The following PIK3C2G variants were observed in gnomAD, a reference collection of about 807,000 sequenced individuals.
PIK3C2G encodes the protein phosphatidylinositol 3-kinase C2 domain-containing subunit gamma.
A neutral mutation model predicts 181.1 loss-of-function variants in PIK3C2G; 168 were observed. The observed-to-expected ratio is 0.93, with a 90% CI of 0.82 to 1.05. The LOEUF is 1.05. PIK3C2G is among the 50% of genes least tolerant of loss of function. The pLI, the probability that PIK3C2G is intolerant of heterozygous loss-of-function variation, is 0.00. For synonymous variants in PIK3C2G, 573 were observed against 592.2 expected (o/e 0.97, Z 0.47); for missense variants, 1,869 against 1,732.8 (o/e 1.08, Z -1.40).
At chr12:18,394,031 G>C (rs1943708868) in intron 15 of PIK3C2G, among the ~76,000 whole-genome samples, 1 of 152,036 alleles carries the variant, frequency 6.6e-6, no homozygotes, top group Non-Finnish European at 1.5e-5. Flanking sequence ...ACTTTCCAGG[G>C]CCTACAAGAG....
chr12:18,273,399 G>A (rs909487300), intron 1 of PIK3C2G, among the ~76,000 whole-genome samples: 32 of 152,096 alleles, frequency 2.1e-4, no homozygotes, highest in Non-Finnish European at 4.0e-4. Context: ...TTTGAAGTCA[G>A]GTAGCGTGAT....
chr12:18,272,430 T>C (rs1429717354), intron 1 of PIK3C2G, among the ~76,000 whole-genome samples: 3 of 152,160 alleles, frequency 2.0e-5, no homozygotes, highest in Non-Finnish European at 4.4e-5. Context: ...CTTGTGATAT[T>C]AGCAGTCACC....
chr12:18,256,929 T>G (rs536865450), upstream of PIK3C2G, among the ~76,000 whole-genome samples: 2 of 152,078 alleles, frequency 1.3e-5, no homozygotes, highest in Non-Finnish European at 2.9e-5. Flanking sequence ...AGATAAAAAT[T>G]TATGTCTCAC....
At chr12:18,373,636 TC>T (rs958489690) in intron 13 of PIK3C2G, among the ~76,000 whole-genome samples, 2 of 152,024 alleles carry the variant, frequency 1.3e-5, no homozygotes, top group Non-Finnish European at 2.9e-5. Flanking sequence ...GATCACAAGG[TC>T]AGGAGATCGA....
chr12:18,490,865 C>T (rs764385419), intron 19 of PIK3C2G, among the ~76,000 whole-genome samples: 1 of 152,128 alleles, frequency 6.6e-6, no homozygotes, highest in Non-Finnish European at 1.5e-5. Context: ...ATCTGAGCTG[C>T]CATGAGTATA....
chr12:18,578,791 C>T (rs769825015), intron 29 of PIK3C2G, among the ~76,000 whole-genome samples: 6 of 151,874 alleles, frequency 4.0e-5, no homozygotes, highest in Admixed American at 6.6e-5. Context: ...GTGATATGAA[C>T]GTCTTAGATG....
At chr12:18,424,124 T>C in intron 18 of PIK3C2G, 85 bp downstream of exon 18, 1 of 794,682 alleles carries the variant, frequency 1.3e-6, no homozygotes, top group Admixed American at 2.1e-5. Context: ...GAATATTTCT[T>C]TACCTTATAA....
chr12:18,397,969 C>T lies in PIK3C2G; in HGVS notation c.2127-1690C>T, dbSNP rs181005301. On this transcript the variant is annotated intron_variant, in intron 15 of 32. Coordinates refer to ENST00000538779, the MANE Select transcript of PIK3C2G (RefSeq NM_001288772.2). ...AGGAATTAACTATTGACAAACTCAA[C>T]CAATATGGATAATTTCAAAAACATT... Among the ~76,000 whole-genome samples, 4 of 152,002 alleles carry T rather than the reference C, an allele frequency of 2.6e-5. No homozygotes were observed. In the East Asian group the frequency reaches 5.8e-4, roughly 22 times the overall value.
At chr12:18,302,005 G>T (rs1272255067) in intron 5 of PIK3C2G, among the ~76,000 whole-genome samples, 1 of 152,138 alleles carries the variant, frequency 6.6e-6, no homozygotes, top group Non-Finnish European at 1.5e-5. Flanking sequence ...TTTCCTCAGT[G>T]GCTTAAGCTA....
intron 1 of PIK3C2G, among the ~76,000 whole-genome samples, chr12:18,267,608 T>C (rs1948559458): frequency 6.6e-6 from 1 of 152,168 alleles, no homozygotes; most frequent in African/African-American, 2.4e-5. Flanking sequence ...ATTGACCTGT[T>C]AGAGCATGTT....
chr12:18,339,779 T>C (rs1938948100), intron 9 of PIK3C2G, among the ~76,000 whole-genome samples: 1 of 152,066 alleles, frequency 6.6e-6, no homozygotes, highest in Non-Finnish European at 1.5e-5. Flanking sequence ...AAAATGAATA[T>C]AGAAATTTAA....
At chr12:18,284,504 T>A (rs1949359150) in intron 2 of PIK3C2G, among the ~76,000 whole-genome samples, 1 of 152,180 alleles carries the variant, frequency 6.6e-6, no homozygotes, top group Non-Finnish European at 1.5e-5. Context: ...ATTTTGGCTC[T>A]CGCTCAAGAA....
chr12:18,459,062 G>A (rs1947782696), intron 18 of PIK3C2G, among the ~76,000 whole-genome samples: 1 of 152,076 alleles, frequency 6.6e-6, no homozygotes, highest in Admixed American at 6.6e-5. Flanking sequence ...CTGACTTACA[G>A]AACTGTGAGC....
At chr12:18,412,935 G>A (rs993039668) in intron 16 of PIK3C2G, among the ~76,000 whole-genome samples, 2 of 152,052 alleles carry the variant, frequency 1.3e-5, no homozygotes, top group African/African-American at 4.8e-5. Flanking sequence ...CCTCCATTTT[G>A]TGTTTTACCC....
chr12:18,450,808 T>C lies in PIK3C2G; in HGVS notation c.2504+26769T>C, dbSNP rs1053737985. ...TTTTCTGCATATGGTTAGCCAGTTT[T>C]CCCAACACCATTTATTAAATAGGGA... On this transcript the variant is annotated intron_variant, in intron 18 of 32. Transcript: ENST00000538779. Among the ~76,000 whole-genome samples, 4 of 152,208 alleles carry C rather than the reference T, an allele frequency of 2.6e-5. No individual in the cohort carries two copies. The South Asian group carries it at 6.2e-4, about 24-fold the overall frequency.
the PIK3C2G span, among the ~76,000 whole-genome samples, chr12:18,716,917 T>G: frequency 6.6e-6 from 1 of 152,198 alleles, no homozygotes; most frequent in Non-Finnish European, 1.5e-5. Context: ...CTTTTTCCTT[T>G]TGTAAATATG....
At chr12:18,265,221 A>G (rs963656750) in intron 1 of PIK3C2G, among the ~76,000 whole-genome samples, 1 of 152,108 alleles carries the variant, frequency 6.6e-6, no homozygotes, top group Non-Finnish European at 1.5e-5. Context: ...CTTCTCAAAT[A>G]TGTCCTTGAT....
the PIK3C2G span, chr12:18,701,627 CT>C: frequency 1.9e-6 from 3 of 1,568,914 alleles, no homozygotes; most frequent in Non-Finnish European, 8.7e-7. Context: ...CCTCCTCCTC[CT>C]CCTCCTCCTC....
intron 2 of PIK3C2G, among the ~76,000 whole-genome samples, chr12:18,283,509 A>G (rs758315174): frequency 7.9e-5 from 12 of 152,170 alleles, no homozygotes; most frequent in Non-Finnish European, 1.2e-4. Flanking sequence ...CTATTTATCA[A>G]ATCCTTAAAA....
Sources: gnomAD v4.1 joint callset for allele counts (sites outside exome capture counted in the v4.1 genomes callset) on GRCh38, gnomAD v4.1.1 for gene constraint, MANE v1.5 for transcripts, NCBI Gene and HGNC (gene_info 2026-07-23, HGNC 2026-07-21) for gene names.